The following IQCM variants were observed in gnomAD, a reference collection of about 807,000 sequenced individuals.
IQCM encodes the protein IQ motif containing M.
Under a neutral mutation model 57.6 loss-of-function variants are expected in IQCM, and 45 were observed. The ratio of observed to expected loss-of-function variants is 0.78; its 90% CI spans 0.62 to 1.00. The LOEUF (loss-of-function observed/expected upper bound fraction) is 1.00. Among genes scored for constraint, IQCM ranks in the 50% least tolerant of loss-of-function variants. The pLI, the probability that IQCM is intolerant of heterozygous loss-of-function variation, is 0.00. For synonymous variants in IQCM, 148 were observed against 158.9 expected (o/e 0.93, Z 0.51); for missense variants, 468 against 511.6 (o/e 0.91, Z 0.82).
intron 8 of IQCM, among the ~76,000 whole-genome samples, chr4:149,588,697 C>G (rs1330514367): frequency 6.6e-6 from 1 of 151,868 alleles, no homozygotes; most frequent in East Asian, 1.9e-4. Flanking sequence ...AGAGAAACAT[C>G]AGGAGAAACC....
intron 7 of IQCM, among the ~76,000 whole-genome samples, chr4:149,672,870 C>A (rs1344621566): frequency 6.6e-6 from 1 of 152,006 alleles, no homozygotes; most frequent in Non-Finnish European, 1.5e-5. Context: ...TTAAGGGCAG[C>A]CAGAGAGAAA....
intron 5 of IQCM, among the ~76,000 whole-genome samples, chr4:149,729,922 T>C (rs889428350): frequency 6.6e-6 from 1 of 152,202 alleles, no homozygotes; most frequent in South Asian, 2.1e-4. Context: ...TCATTTCTAA[T>C]TGTAGACTAG....
rs114298520 is a variant in IQCM at position 149,673,935 on chromosome 4, C to T, written c.565+8183G>A. On this transcript the variant is annotated intron_variant, in intron 7 of 13. Transcript: ENST00000636793. ...AATACGTATGAGCCATGAAAGCAAA[C>T]TCTAAAGAACTTTAAACCCCTGTGT... 3.6e-3 allele frequency among the ~76,000 whole-genome samples: 548 copies of T among 152,216 alleles called. 1 individual carries two copies. The highest frequency in any genetic ancestry group is 0.013 in the African/African-American group (529 of 41,544).
intron 3 of IQCM, among the ~76,000 whole-genome samples, chr4:149,741,404 T>C (rs990541539): frequency 6.6e-6 from 1 of 152,142 alleles, no homozygotes; most frequent in African/African-American, 2.4e-5. Flanking sequence ...TAAGGAGATG[T>C]AGGGAAATGC....
At chr4:149,455,928 T>C (rs1250676556) in intron 12 of IQCM, among the ~76,000 whole-genome samples, 2 of 151,932 alleles carry the variant, frequency 1.3e-5, no homozygotes, top group Non-Finnish European at 2.9e-5. Context: ...TGATCTATAT[T>C]CACACCACTG....
At chr4:149,413,427 G>C (rs772277872) in intron 13 of IQCM, among the ~76,000 whole-genome samples, 1 of 152,146 alleles carries the variant, frequency 6.6e-6, no homozygotes, top group African/African-American at 2.4e-5. Context: ...GGCTGACGCT[G>C]AGATAGGGTG....
At chr4:149,773,584 T>A (rs1770799433) in intron 2 of IQCM, among the ~76,000 whole-genome samples, 1 of 152,198 alleles carries the variant, frequency 6.6e-6, no homozygotes, top group African/African-American at 2.4e-5. Context: ...TTAATCCACA[T>A]TTCTCACATT....
At chr4:149,590,247 C>CTTTTTTTTTTTTTTTTTTTT (rs71596214) in intron 8 of IQCM, among the ~76,000 whole-genome samples, 2 of 73,630 alleles carry the variant, frequency 2.7e-5, no homozygotes, top group East Asian at 4.3e-4. Flanking sequence ...TTTTTCTTTC[C>CTTTTTTTTTTTTTTTTTTTT]TTTTTTTTTT....
chr4:149,757,685 A>T (rs1398850736), intron 2 of IQCM, among the ~76,000 whole-genome samples: 1 of 152,274 alleles, frequency 6.6e-6, no homozygotes, highest in Non-Finnish European at 1.5e-5. Context: ...ACTTTTTAGC[A>T]CACACAAATT....
At chr4:149,364,793 A>G (rs943587131) in intron 13 of IQCM, among the ~76,000 whole-genome samples, 2 of 152,192 alleles carry the variant, frequency 1.3e-5, no homozygotes, top group African/African-American at 4.8e-5. Flanking sequence ...TCTACATGAT[A>G]TACTTGAGTT....
intron 2 of IQCM, among the ~76,000 whole-genome samples, chr4:149,762,874 T>C (rs1769667913): frequency 6.6e-6 from 1 of 152,094 alleles, no homozygotes; most frequent in Non-Finnish European, 1.5e-5. Context: ...TGTTAATCTG[T>C]TGCCACATAG....
intron 12 of IQCM, among the ~76,000 whole-genome samples, chr4:149,544,993 T>C (rs1242212192): frequency 6.6e-6 from 1 of 152,058 alleles, no homozygotes; most frequent in Non-Finnish European, 1.5e-5. Flanking sequence ...GCTATGGTTT[T>C]TTTTAGTATG....
At chr4:149,689,978 ACAGC>A (rs1361638060) in intron 5 of IQCM, among the ~76,000 whole-genome samples, 4 of 152,136 alleles carry the variant, frequency 2.6e-5, no homozygotes, top group Non-Finnish European at 5.9e-5. Context: ...GTAAACTAAT[ACAGC>A]CAGTATGGAA....
At chr4:149,696,516 C>T (rs1763351932) in intron 5 of IQCM, among the ~76,000 whole-genome samples, 1 of 152,140 alleles carries the variant, frequency 6.6e-6, no homozygotes, top group Non-Finnish European at 1.5e-5. Flanking sequence ...ACTGTTCATA[C>T]ACCAAAGACA....
chr4:149,712,527 T>C (rs562061426), intron 5 of IQCM, among the ~76,000 whole-genome samples: 5 of 152,196 alleles, frequency 3.3e-5, no homozygotes, highest in Non-Finnish European at 7.3e-5. Context: ...CACTTCATTA[T>C]GCAACAAGCA....
chr4:149,800,860 A>G (rs550381880), intron 2 of IQCM, among the ~76,000 whole-genome samples: 3 of 152,072 alleles, frequency 2.0e-5, no homozygotes, highest in African/African-American at 7.2e-5. Flanking sequence ...AAGATATTCC[A>G]TGTTTATGGA....
chr4:149,416,309 A>C (rs1733744647), intron 13 of IQCM, among the ~76,000 whole-genome samples: 1 of 152,058 alleles, frequency 6.6e-6, no homozygotes, highest in South Asian at 2.1e-4. Flanking sequence ...TATTCCTGAG[A>C]AAATATCTAT....
At chr4:149,660,525 A>G (rs533730261) in intron 7 of IQCM, among the ~76,000 whole-genome samples, 19 of 152,332 alleles carry the variant, frequency 1.2e-4, no homozygotes, top group Admixed American at 2.0e-4. Flanking sequence ...ACAAAGACAC[A>G]TGCACATGTA....
At chr4:149,404,144 C>CTT (rs1732812433) in intron 13 of IQCM, among the ~76,000 whole-genome samples, 2 of 152,152 alleles carry the variant, frequency 1.3e-5, no homozygotes, top group South Asian at 4.1e-4. Flanking sequence ...ACTAAAGAGA[C>CTT]ACATGTTCTT....
Sources: gnomAD v4.1 joint callset for allele counts (sites outside exome capture counted in the v4.1 genomes callset) on GRCh38, gnomAD v4.1.1 for gene constraint, MANE v1.5 for transcripts, NCBI Gene and HGNC (gene_info 2026-07-23, HGNC 2026-07-21) for gene names.